SPHKAP: variants seen among roughly 807,000 people sequenced by gnomAD.
SPHKAP encodes the protein SPHK1 interactor, AKAP domain containing.
SPHKAP carries 67 observed loss-of-function variants against 137.5 expected under a neutral mutation model. The ratio of observed to expected loss-of-function variants is 0.49; its 90% CI spans 0.40 to 0.60. The LOEUF is 0.60. Among genes scored for constraint, SPHKAP ranks in the 20% least tolerant of loss-of-function variants. SPHKAP has a pLI of 0.00. For synonymous variants in SPHKAP, 813 were observed against 785.3 expected (o/e 1.04, Z -0.59); for missense variants, 2,097 against 2,069.3 (o/e 1.01, Z -0.26).
chr2:228,140,431 C>T (rs975578078), intron 1 of SPHKAP, among the ~76,000 whole-genome samples: 2 of 152,112 alleles, frequency 1.3e-5, no homozygotes, highest in Admixed American at 1.3e-4. Context: ...GCAGGTGTCT[C>T]ACTCTGATAC....
At chr2:228,145,074 A>C (rs1699735853) in intron 1 of SPHKAP, among the ~76,000 whole-genome samples, 1 of 152,198 alleles carries the variant, frequency 6.6e-6, no homozygotes, top group Admixed American at 6.5e-5. Context: ...GGTGAAACGA[A>C]ATCAAACTTG....
At chr2:228,054,345 A>C (rs1696362703) in intron 3 of SPHKAP, among the ~76,000 whole-genome samples, 1 of 152,188 alleles carries the variant, frequency 6.6e-6, no homozygotes, top group Admixed American at 6.5e-5. Flanking sequence ...AGAATCATGT[A>C]GATGACAATG....
intron 3 of SPHKAP, among the ~76,000 whole-genome samples, chr2:228,046,717 A>C (rs1351344103): frequency 2.6e-5 from 4 of 152,174 alleles, no homozygotes; most frequent in African/African-American, 9.7e-5. Context: ...ATAAAGAAAA[A>C]TTCTTTGTAA....
chr2:228,157,609 CA>C (rs1481729285), intron 1 of SPHKAP, among the ~76,000 whole-genome samples: 1 of 151,984 alleles, frequency 6.6e-6, no homozygotes, highest in East Asian at 1.9e-4. Context: ...ACTTCTCTTT[CA>C]GAGGGATTCT....
intron 3 of SPHKAP, among the ~76,000 whole-genome samples, chr2:228,065,029 A>T (rs1041150524): frequency 6.6e-6 from 1 of 152,164 alleles, no homozygotes; most frequent in African/African-American, 2.4e-5. Flanking sequence ...AAATACAGTG[A>T]TTTCTCCAAG....
intron 2 of SPHKAP, among the ~76,000 whole-genome samples, chr2:228,128,931 C>G (rs1699161797): frequency 6.6e-6 from 1 of 152,020 alleles, no homozygotes; most frequent in South Asian, 2.1e-4. Context: ...ATTTATAGAA[C>G]CCAGGTAGTA....
At chr2:228,104,300 TATA>T (rs200541000) in intron 3 of SPHKAP, among the ~76,000 whole-genome samples, 3,385 of 144,336 alleles carry the variant, frequency 0.023, 131 homozygotes, top group African/African-American at 0.08. Flanking sequence ...TCATATATTA[TATA>T]ATAATATTAA....
chr2:228,008,535 T>C (rs1204400782), intron 7 of SPHKAP, among the ~76,000 whole-genome samples: 5 of 152,152 alleles, frequency 3.3e-5, no homozygotes, highest in African/African-American at 1.2e-4. Context: ...CCTCAGGTGA[T>C]CCACCCACCT....
At chr2:228,001,651 T>C (rs1301458329) in intron 7 of SPHKAP, among the ~76,000 whole-genome samples, 1 of 151,382 alleles carries the variant, frequency 6.6e-6, no homozygotes, top group African/African-American at 2.4e-5. Context: ...ACATGTGCCA[T>C]GTTGGTGTGC....
In SPHKAP at chr2:228,119,471, A is replaced by ACTCT. The variant is rs58155215; in HGVS notation, c.139-10536_139-10533dup. On this transcript the variant is annotated intron_variant, in intron 2 of 11. Coordinates refer to ENST00000392056, the MANE Select transcript of SPHKAP (RefSeq NM_001142644.2). Reference sequence around the variant, plus strand: ...AAGCCTAGTATACACACACACACACACTCTCTCTCTCTCTCTCTCTCTCTC... The same window carrying ACTCT: ...AAGCCTAGTATACACACACACACACACTCTCTCTCTCTCTCTCTCTCTCTCTCTC... Among the ~76,000 whole-genome samples the ACTCT allele has an allele frequency of 2.4e-3, 355 of 148,552 alleles. 8 individuals are homozygous for ACTCT. The highest frequency in any genetic ancestry group is 5.9e-3 in the African/African-American group (236 of 40,248).
chr2:228,135,756 G>A (rs979532101), intron 1 of SPHKAP, among the ~76,000 whole-genome samples: 2 of 152,102 alleles, frequency 1.3e-5, no homozygotes, highest in Non-Finnish European at 2.9e-5. Flanking sequence ...ATTGTTGTGA[G>A]TATTAAACGA....
At chr2:228,078,643 C>A (rs1438728544) in intron 3 of SPHKAP, among the ~76,000 whole-genome samples, 8 of 152,282 alleles carry the variant, frequency 5.3e-5, no homozygotes, top group African/African-American at 1.9e-4. Context: ...AAAATACCTT[C>A]ACAAGAGCTA....
chr2:228,169,071 C>A (rs1700505327), intron 1 of SPHKAP, among the ~76,000 whole-genome samples: 1 of 149,308 alleles, frequency 6.7e-6, no homozygotes, highest in South Asian at 2.1e-4. Flanking sequence ...GAGGAAGCTG[C>A]AGAAGAAAAG....
At chr2:228,169,872 G>T (rs978662681) in intron 1 of SPHKAP, 7 of 151,748 alleles carry the variant, frequency 4.6e-5, no homozygotes, top group African/African-American at 1.7e-4. Flanking sequence ...AAATTACAAG[G>T]GTATAGTTGC....
intron 3 of SPHKAP, among the ~76,000 whole-genome samples, chr2:228,033,620 T>C (rs1321809961): frequency 6.6e-6 from 1 of 152,154 alleles, no homozygotes; most frequent in East Asian, 1.9e-4. Flanking sequence ...ATTGACCATA[T>C]AGTTGGAAGT....
intron 1 of SPHKAP, among the ~76,000 whole-genome samples, chr2:228,177,778 C>A (rs962830605): frequency 7.2e-5 from 11 of 152,008 alleles, no homozygotes; most frequent in African/African-American, 2.2e-4. Context: ...TTGGTTAAAA[C>A]AAAATGACAG....
chr2:228,164,270 G>C (rs1290811493), intron 1 of SPHKAP, among the ~76,000 whole-genome samples: 1 of 152,112 alleles, frequency 6.6e-6, no homozygotes, highest in Non-Finnish European at 1.5e-5. Context: ...TGCACTGTTG[G>C]CTTCCCTGGT....
intron 3 of SPHKAP, among the ~76,000 whole-genome samples, chr2:228,049,305 A>G (rs1032835161): frequency 1.3e-5 from 2 of 152,234 alleles, no homozygotes; most frequent in Non-Finnish European, 2.9e-5. Flanking sequence ...TTAAATAACT[A>G]TGTAAGTAAT....
chr2:228,039,733 A>G (rs530671201), intron 3 of SPHKAP, among the ~76,000 whole-genome samples: 7 of 152,202 alleles, frequency 4.6e-5, no homozygotes, highest in Non-Finnish European at 8.8e-5. Flanking sequence ...TTGACAGATA[A>G]AGTCAGACAA....
Sources: allele counts gnomAD v4.1 joint callset (sites outside exome capture counted in the v4.1 genomes callset), GRCh38; gene constraint gnomAD v4.1.1; transcripts MANE v1.5; gene names NCBI Gene and HGNC (gene_info 2026-07-23, HGNC 2026-07-21).